The following DBN1 variants were observed in gnomAD, a reference collection of about 807,000 sequenced individuals.
DBN1 encodes the protein drebrin.
DBN1 carries 21 observed loss-of-function variants against 83.5 expected under a neutral mutation model. That is an observed-to-expected ratio of 0.25 (90% CI 0.18 to 0.36). The LOEUF is 0.36. Ranked by LOEUF, DBN1 falls within the 10% of genes least tolerant of loss-of-function variation. The pLI is 1.00. For missense variants in DBN1, 874 were observed against 935.7 expected, an observed-to-expected ratio of 0.93 and a Z score of 0.86; for synonymous variants, 381 against 384.9, an observed-to-expected ratio of 0.99 and a Z score of 0.12.
intron 1 of DBN1, chr5:177,472,881 C>A (rs1757950880): frequency 4.1e-6 from 4 of 983,904 alleles, no homozygotes; most frequent in Non-Finnish European, 4.8e-6. Context: ...GGGGGGAGGG[C>A]GGCCCACTCC....
chr5:177,473,555 C>CGCGG lies in DBN1; in HGVS notation c.-38_-35dup. On this transcript the variant is annotated 5_prime_UTR_variant, in exon 1 of 15. Transcript: ENST00000393565. ...CCGGACCGGGCCGAACGGACAGACGCGCGGACGGACGGGCGGACGGAGGAG... is the reference window on the plus strand; with the variant it reads ...CCGGACCGGGCCGAACGGACAGACGCGCGGGCGGACGGACGGGCGGACGGAGGAG... The CGCGG allele has an allele frequency of 7.9e-7, 1 of 1,265,754 alleles. No individual in the cohort carries two copies. The highest frequency in any genetic ancestry group is 1.0e-6 in the Non-Finnish European group (1 of 986,884). The allele number at this position is 1,265,754 out of a possible 1,614,324, so 78.4% of individuals were successfully genotyped here.
rs891909702 is a variant in DBN1, at chr5:177,468,964, G to A, written c.87-65C>T. On this transcript the variant is annotated intron_variant, in intron 1 of 14. Coordinates refer to ENST00000393565, the MANE Select transcript of DBN1 (RefSeq NM_001363541.2). ...CAGGCCGCCAATTCTGGGTGGGGAC[G>A]GCTCTGGGGAGGGAGAGGGACATGG... 5.2e-5 allele frequency: 56 copies of A among 1,080,642 alleles called. 1 individual carries two copies. The highest frequency in any genetic ancestry group is 3.8e-4 in the East Asian group (13 of 34,648). 66.9% of individuals were successfully genotyped at this position (1,080,642 alleles called of 1,614,324 possible).
At position 177,459,138 on chromosome 5, in the gene DBN1, C is replaced by A. The variant is rs145842585; in HGVS notation, c.1224G>T (p.Ser408=). ...IERALDEVTS[S]QPPPLPPPPP... is the part of the protein sequence containing the mutation. Reference sequence around the variant, plus strand: ...GTGGCGGTGGCAGTGGTGGAGGCTGCGAGGAGGTGACCTCATCCAGGGCCC... The same window carrying A: ...GTGGCGGTGGCAGTGGTGGAGGCTGAGAGGAGGTGACCTCATCCAGGGCCC... The change falls in exon 12 of 15, where the codon TCG becomes TCT. Residue 408 remains serine, a synonymous_variant. Transcript: ENST00000393565. 18 of 1,610,198 alleles carry A rather than the reference C, an allele frequency of 1.1e-5. No individual in the cohort carries two copies. The highest frequency in any genetic ancestry group is 5.5e-5 in the South Asian group (5 of 90,864).
Position 177,459,516 on chromosome 5 carries a change from G to C in DBN1, c.1093+87C>G, listed in dbSNP as rs1261824207. The C allele has an allele frequency of 1.5e-5, 21 of 1,386,244 alleles. No individual in the cohort carries two copies. In the South Asian group the frequency reaches 2.3e-4, roughly 15 times the overall value. The allele number at this position is 1,386,244 out of a possible 1,614,324, so 85.9% of individuals were successfully genotyped here. ...CTGGGGGCAAACACCAGAGATCAGC[G>C]GTCAGACTGGGGGAGTGAGGGCGGG... is the stretch of plus-strand genomic sequence containing the variant. On this transcript the variant is annotated intron_variant, in intron 11 of 14. Coordinates refer to ENST00000393565, the MANE Select transcript of DBN1 (RefSeq NM_001363541.2).
chr5:177,463,628 T>C (rs1037521827), intron 8 of DBN1, among the ~76,000 whole-genome samples: 1 of 152,150 alleles, frequency 6.6e-6, no homozygotes, highest in Admixed American at 6.5e-5. Context: ...GGACCTGAAA[T>C]TGAAAGGGTA....
chr5:177,458,420 C>T lies in DBN1; in HGVS notation c.1552G>A (p.Ala518Thr), dbSNP rs151027179. 4.2e-4 allele frequency: 684 copies of T among 1,614,112 alleles called. No individual in the cohort carries two copies. Among genetic ancestry groups the T allele is most frequent in the Admixed American group, 7.2e-4 (43 of 60,018 alleles). The change falls in exon 13 of 15, where the codon GCC becomes ACC. Residue 518 changes from alanine (A) to threonine (T), a missense_variant. Ala to Thr is a moderately conservative substitution (Grantham distance 58). Around this residue, in one of 4 missense-constraint regions of DBN1, gnomAD observed 725 missense variants for 719.7 expected, o/e 1.01. Transcript: ENST00000393565. ...TTVANNVPPA[A>T]TSLIDLWPGN... ...GGCCATAGGTCAATGAGGCTGGTGG[C>T]GGCGGGGGGTACGTTGTTGGCAACA...
rs1757497736 is a variant in DBN1, at chr5:177,467,073, C to G, written c.556-11G>C. The G allele has an allele frequency of 1.9e-6, 3 of 1,613,534 alleles. No homozygotes were observed. Among genetic ancestry groups the G allele is most frequent in the Admixed American group, 1.7e-5 (1 of 60,014 alleles). Reference sequence around the variant, plus strand: ...CAGCTCTTCTTCCTTCTGCAAGCCCCGGTGCGAACAAGGGTAGGCCCCGAG... The same window carrying G: ...CAGCTCTTCTTCCTTCTGCAAGCCCGGGTGCGAACAAGGGTAGGCCCCGAG... On this transcript the variant is annotated splice_polypyrimidine_tract_variant and intron_variant, in intron 6 of 14. Transcript: ENST00000393565. This position sits in a 1 kb window ranked among gnomAD's most constrained non-coding sequence, Gnocchi z 9.1.
chr5:177,464,772 T>C (rs1581726762), intron 8 of DBN1, among the ~76,000 whole-genome samples: 1 of 152,116 alleles, frequency 6.6e-6, no homozygotes, highest in East Asian at 1.9e-4. Context: ...AAACCCCATC[T>C]CTACTAAAAA....
chr5:177,467,689 C>G lies in DBN1; in HGVS notation c.330+54G>C, dbSNP rs115121805. On this transcript the variant is annotated intron_variant, in intron 4 of 14. Coordinates refer to ENST00000393565, the MANE Select transcript of DBN1 (RefSeq NM_001363541.2). The surrounding 1 kb of genome is among the most constrained non-coding windows in gnomAD (Gnocchi z 9.1). ...TCCTCCCGCCATCCCCACCCCAGCACGCAGACCCTGGTGGCTGTCCCCACC... is the reference window on the plus strand; with the variant it reads ...TCCTCCCGCCATCCCCACCCCAGCAGGCAGACCCTGGTGGCTGTCCCCACC... 1.9e-6 allele frequency: 3 copies of G among 1,554,392 alleles called. No homozygotes were observed. Among genetic ancestry groups the G allele is most frequent in the Non-Finnish European group, 1.7e-6 (2 of 1,148,890 alleles).
intron 1 of DBN1, chr5:177,472,002 C>G: frequency 8.3e-7 from 1 of 1,210,562 alleles, no homozygotes; most frequent in Non-Finnish European, 1.1e-6. Flanking sequence ...CTTCACCAGG[C>G]CAAGCCGGCC....
In DBN1 at chr5:177,473,595, G is replaced by A. The variant is rs1581742685; in HGVS notation, c.-74C>T. 1 of 1,067,804 alleles carries A rather than the reference G, an allele frequency of 9.4e-7. No homozygotes were observed. Among genetic ancestry groups the A allele is most frequent in the East Asian group, 3.4e-5 (1 of 29,706 alleles). 66.1% of individuals were successfully genotyped at this position (1,067,804 alleles called of 1,614,324 possible). ...GGACGGAGGAGGAGGGAGGGAAAGA[G>A]GGAGTCGCCGCCGCCGCCTCGGAGC... On this transcript the variant is annotated 5_prime_UTR_variant, in exon 1 of 15. Transcript: ENST00000393565.
rs1163504775 is a variant in DBN1, at chr5:177,459,735, G to A, written c.961C>T (p.Pro321Ser). 1 of 1,514,064 alleles carries A rather than the reference G, an allele frequency of 6.6e-7. No homozygotes were observed. The highest frequency in any genetic ancestry group is 8.9e-7 in the Non-Finnish European group (1 of 1,129,878). The allele number at this position is 1,514,064 out of a possible 1,614,324, so 93.8% of individuals were successfully genotyped here. ...GATGCCTTTATGAAAGGGCAGTACGGACGACCTGCCGAGAGAGACAGACAG... is the reference window on the plus strand; with the variant it reads ...GATGCCTTTATGAAAGGGCAGTACGAACGACCTGCCGAGAGAGACAGACAG... ...PSPFNHRPGR[P>S]YCPFIKASDS... is the part of the protein sequence containing the mutation. The change falls in exon 11 of 15, where the codon CCG becomes TCG. Residue 321 changes from proline (P) to serine (S), a missense_variant. By Grantham distance (74) the Pro-to-Ser change is moderately conservative. This residue lies in a region of DBN1 where 725 missense variants were observed against 719.7 expected (regional missense o/e 1.01). Transcript: ENST00000393565.
At chr5:177,458,846 G>A in intron 12 of DBN1, 139 bp from the exon 13 acceptor site, 1 of 1,107,164 alleles carries the variant, frequency 9.0e-7, no homozygotes, top group Non-Finnish European at 1.2e-6. Flanking sequence ...TGACCCCAGT[G>A]ACTTTAAGCC....
chr5:177,457,499 G>A lies in DBN1; in HGVS notation c.2022C>T (p.Ile674=). ...PPVFYNKPPE[I]DITCWDADPV... Reference sequence around the variant, plus strand: ...GGTCTGCATCCCAGCATGTGATGTCGATCTCTGTGGCGTTAGAAAGGGAGA... The same window carrying A: ...GGTCTGCATCCCAGCATGTGATGTCAATCTCTGTGGCGTTAGAAAGGGAGA... Residue 674 remains isoleucine, a synonymous_variant, in exon 15 of 15, where the codon ATC becomes ATT. Transcript: ENST00000393565. The A allele has an allele frequency of 1.2e-6, 2 of 1,614,050 alleles. No individual in the cohort carries two copies. The highest frequency in any genetic ancestry group is 1.6e-4 in the Middle Eastern group (1 of 6,062).
At chr5:177,470,973 G>A (rs1757803130) in intron 1 of DBN1, among the ~76,000 whole-genome samples, 1 of 152,348 alleles carries the variant, frequency 6.6e-6, no homozygotes, top group South Asian at 2.1e-4. Flanking sequence ...AGGCAGGAAC[G>A]CTGACTCAGT....
In DBN1 at chr5:177,456,919, AG is replaced by A. The variant is rs562476833; in HGVS notation, c.*513del. On this transcript the variant is annotated 3_prime_UTR_variant, in exon 15 of 15. Coordinates refer to ENST00000393565, the MANE Select transcript of DBN1 (RefSeq NM_001363541.2). ...GGAAGGGGTCAAAAGAAGGGCGGGG[AG>A]GGGGTCCCAGGGAGCCAGAGCCCAC... The A allele has an allele frequency of 5.2e-5, 8 of 154,900 alleles. No individual in the cohort carries two copies. In the South Asian group the frequency reaches 1.4e-3, roughly 27 times the overall value. The allele number at this position is 154,900 out of a possible 1,614,324, so 9.6% of individuals were successfully genotyped here.
intron 8 of DBN1, among the ~76,000 whole-genome samples, chr5:177,465,397 A>G (rs1476664667): frequency 6.6e-6 from 1 of 152,224 alleles, no homozygotes; most frequent in Non-Finnish European, 1.5e-5. Flanking sequence ...TAGAGACAGA[A>G]AGTGGAATGG....
At chr5:177,462,547 C>T (rs1463172737) in intron 8 of DBN1, 1 of 330,916 alleles carries the variant, frequency 3.0e-6, no homozygotes, top group Non-Finnish European at 4.3e-6. Flanking sequence ...GTGAGCAACG[C>T]AGGATGAGGA....
chr5:177,465,854 CAAAAA>C (rs111807451), intron 8 of DBN1, among the ~76,000 whole-genome samples: 1 of 69,880 alleles, frequency 1.4e-5, no homozygotes. Flanking sequence ...GACTCCATCT[CAAAAA>C]AAAAAAAAAA....
Sources: gnomAD v4.1 joint callset for allele counts (sites outside exome capture counted in the v4.1 genomes callset) on GRCh38, gnomAD v4.1.1 for gene constraint, gnomAD v4.1.1 regional missense constraint, Gnocchi (gnomAD v3.1) non-coding constraint, MANE v1.5 for transcripts, NCBI Gene and HGNC (gene_info 2026-07-23, HGNC 2026-07-21) for gene names.